The following IMPA2 variants were observed in gnomAD, a reference collection of about 807,000 sequenced individuals.
IMPA2 encodes inositol monophosphatase 2, also known as IMP 2.
In IMPA2, 32 loss-of-function variants were observed where a neutral mutation model predicts 35.1. The observed-to-expected ratio is 0.91, with a 90% CI of 0.69 to 1.23. The LOEUF (loss-of-function observed/expected upper bound fraction) is 1.23, where lower values mean the gene tolerates loss of function less well. IMPA2 is among the 50% of genes most tolerant of loss of function. The pLI is 0.00. For missense variants in IMPA2, 334 were observed against 387.6 expected, an observed-to-expected ratio of 0.86 and a Z score of 1.16; for synonymous variants, 135 against 160.6, an observed-to-expected ratio of 0.84 and a Z score of 1.20.
chr18:11,992,616 A>G (rs931714431), intron 1 of IMPA2, among the ~76,000 whole-genome samples: 1 of 148,850 alleles, frequency 6.7e-6, no homozygotes, highest in East Asian at 1.9e-4. Flanking sequence ...ATACATTAAC[A>G]GAATGCTACT....
At position 11,981,610 on chromosome 18, in the gene IMPA2, C is replaced by T. The variant is rs996450790; in HGVS notation, c.-60C>T. 4 of 1,108,726 alleles carry T rather than the reference C, an allele frequency of 3.6e-6. No homozygotes were observed. The African/African-American group carries it at 4.9e-5, about 14-fold the overall frequency. The allele number at this position is 1,108,726 out of a possible 1,614,324, so 68.7% of individuals were successfully genotyped here. ...AGCCTGGCGGCGGGACGGCGGGATC[C>T]GGTGGGAGCCGGAGTCCCGCCGAGG... On this transcript the variant is annotated 5_prime_UTR_variant, in exon 1 of 8. Coordinates refer to ENST00000269159, the MANE Select transcript of IMPA2 (RefSeq NM_014214.3).
rs200610743 is a variant in IMPA2 at position 12,022,879 on chromosome 18, ATTC to A, written c.491-5161_491-5159del. Among the ~76,000 whole-genome samples, 1,059 of 149,178 alleles carry A rather than the reference ATTC, an allele frequency of 7.1e-3. 11 individuals carry two copies. The highest frequency in any genetic ancestry group is 0.024 in the African/African-American group (971 of 40,660). On this transcript the variant is annotated intron_variant, in intron 5 of 7. Transcript: ENST00000269159. ...AACCTCTGCCTCCCAGGTTCAAGCA[ATTC>A]TTGTGCTTTAGCCTCTCCAGTAGCT...
intron 1 of IMPA2, among the ~76,000 whole-genome samples, chr18:11,982,124 G>C (rs1906519770): frequency 6.6e-6 from 1 of 152,110 alleles, no homozygotes; most frequent in Non-Finnish European, 1.5e-5. Context: ...TAGGAAGCCC[G>C]GGGCTAAGCC....
intron 2 of IMPA2, among the ~76,000 whole-genome samples, chr18:12,009,182 C>A (rs2143803116): frequency 6.6e-6 from 1 of 152,278 alleles, no homozygotes; most frequent in Admixed American, 6.5e-5. Flanking sequence ...GAGAACAAAG[C>A]AGGAGGATTG....
chr18:11,997,496 A>G (rs1364094117), intron 1 of IMPA2, among the ~76,000 whole-genome samples: 3 of 152,072 alleles, frequency 2.0e-5, no homozygotes, highest in South Asian at 4.1e-4. Context: ...TTTTTTTGCA[A>G]CCAAGATTAA....
At chr18:12,029,729 A>G (rs991020092) in intron 7 of IMPA2, among the ~76,000 whole-genome samples, 6 of 152,174 alleles carry the variant, frequency 3.9e-5, no homozygotes, top group Admixed American at 1.3e-4. Context: ...CCTCCATTCC[A>G]TATTTTAAAG....
Position 11,981,578 on chromosome 18 carries a change from A to T in IMPA2, c.-92A>T. 1 of 787,424 alleles carries T rather than the reference A, an allele frequency of 1.3e-6. No individual in the cohort carries two copies. The highest frequency in any genetic ancestry group is 1.7e-6 in the Non-Finnish European group (1 of 585,532). 48.8% of individuals were successfully genotyped at this position (787,424 alleles called of 1,614,324 possible). ...CAGAGCTGCGGGAGCAGGCACAGGG[A>T]GTGTGGAGCCTGGCGGCGGGACGGC... On this transcript the variant is annotated 5_prime_UTR_variant, in exon 1 of 8. Transcript: ENST00000269159.
chr18:12,019,557 C>T (rs772491141), intron 5 of IMPA2, among the ~76,000 whole-genome samples: 1 of 151,836 alleles, frequency 6.6e-6, no homozygotes, highest in Non-Finnish European at 1.5e-5. Context: ...TGTGAGCCAC[C>T]GCGCCTGGCC....
chr18:12,016,601 T>C (rs1598701234), intron 5 of IMPA2, among the ~76,000 whole-genome samples: 1 of 152,190 alleles, frequency 6.6e-6, no homozygotes, highest in African/African-American at 2.4e-5. Flanking sequence ...GTATTTTTAG[T>C]AGAGACGGGG....
rs375497315 is a variant in IMPA2 at position 12,004,896 on chromosome 18, C to T, written c.231-4987C>T. The stretch of plus-strand genomic sequence containing the variant: ...CTTTATGATTTCACACATCTGTCTA[C>T]AGTCATGTCTGCAGAGCAGACTCTC... On this transcript the variant is annotated intron_variant, in intron 2 of 7. Transcript: ENST00000269159. Among the ~76,000 whole-genome samples the T allele has an allele frequency of 3.9e-5, 6 of 152,320 alleles. 1 individual carries two copies. Among genetic ancestry groups the T allele is most frequent in the Middle Eastern group, 3.4e-3 (1 of 294 alleles).
chr18:11,990,029 C>T (rs1229344221), intron 1 of IMPA2, among the ~76,000 whole-genome samples: 1 of 152,170 alleles, frequency 6.6e-6, no homozygotes, highest in Non-Finnish European at 1.5e-5. Context: ...TCTCTCCTGG[C>T]CTCCTCCTGG....
intron 1 of IMPA2, among the ~76,000 whole-genome samples, chr18:11,998,358 T>C (rs909482522): frequency 4.6e-5 from 7 of 152,250 alleles, no homozygotes; most frequent in South Asian, 2.1e-4. Flanking sequence ...TTTAGACCAG[T>C]GTGTTGGCAG....
In IMPA2 at chr18:12,014,310, A is replaced by G. The variant is rs1907515540; in HGVS notation, c.427A>G (p.Thr143Ala). 2 of 1,613,044 alleles carry G rather than the reference A, an allele frequency of 1.2e-6. No homozygotes were observed. The highest frequency in any genetic ancestry group is 1.7e-5 in the Admixed American group (1 of 59,836). ...CCACTGCACAGAGGAGCGGCTGTAC[A>G]CGGGCCGGCGGGGTCGGGGCGCCTT... ...IYHCTEERLY[T>A]GRRGRGAFCN... Residue 143 changes from threonine (T) to alanine (A), a missense_variant, in exon 5 of 8, where the codon ACG (threonine) becomes GCG (alanine). By Grantham distance (58) the Thr-to-Ala change is moderately conservative. Coordinates refer to ENST00000269159, the MANE Select transcript of IMPA2 (RefSeq NM_014214.3).
At position 11,991,083 on chromosome 18, in the gene IMPA2, T is replaced by A. The variant is rs540871782; in HGVS notation, c.97-7971T>A. Among the ~76,000 whole-genome samples the A allele has an allele frequency of 4.1e-4, 63 of 152,186 alleles. 1 individual carries two copies. Among genetic ancestry groups the A allele is most frequent in the Middle Eastern group, 3.4e-3 (1 of 294 alleles). ...GCTGCTGAAGGCAGGTCCGAGGGCT[T>A]GCAAACACCCACTTTCAAGGAATAG... On this transcript the variant is annotated intron_variant, in intron 1 of 7. Transcript: ENST00000269159. This position sits in a 1 kb window ranked among gnomAD's most constrained non-coding sequence, Gnocchi z 4.1.
chr18:12,022,926 C>A (rs1460522894), intron 5 of IMPA2, among the ~76,000 whole-genome samples: 1 of 149,390 alleles, frequency 6.7e-6, no homozygotes, highest in Admixed American at 6.7e-5. Context: ...AAATGTGTGC[C>A]ACCACGCCTG....
chr18:11,988,091 C>T lies in IMPA2; in HGVS notation c.96+6326C>T, dbSNP rs540827416. On this transcript the variant is annotated intron_variant, in intron 1 of 7. Coordinates refer to ENST00000269159, the MANE Select transcript of IMPA2 (RefSeq NM_014214.3). ...TGCGATCTCAGCTCACTGCAACCTC[C>T]GCTTCCCGGGCTCAAGCAATTCTCC... 1.2e-3 allele frequency among the ~76,000 whole-genome samples: 177 copies of T among 150,308 alleles called. 1 individual carries two copies. Among genetic ancestry groups the T allele is most frequent in the African/African-American group, 4.1e-3 (168 of 40,786 alleles).
chr18:12,008,333 G>T (rs769270815), intron 2 of IMPA2: 2 of 518,714 alleles, frequency 3.9e-6, no homozygotes, highest in Non-Finnish European at 7.7e-6. Flanking sequence ...CTCTCTGCAG[G>T]TCTCCTTTTT....
intron 1 of IMPA2, among the ~76,000 whole-genome samples, chr18:11,992,079 G>A (rs1474016231): frequency 1.3e-5 from 2 of 152,206 alleles, no homozygotes; most frequent in African/African-American, 2.4e-5. Context: ...CCTGACTTCA[G>A]GTGATCTGCC....
chr18:11,998,224 C>A (rs1247750822), intron 1 of IMPA2, among the ~76,000 whole-genome samples: 1 of 152,196 alleles, frequency 6.6e-6, no homozygotes, highest in African/African-American at 2.4e-5. Context: ...CTGGGCTGGA[C>A]CAGAACTGGT....
Sources: allele counts gnomAD v4.1 joint callset (sites outside exome capture counted in the v4.1 genomes callset), GRCh38; gene constraint gnomAD v4.1.1; non-coding constraint Gnocchi (gnomAD v3.1); transcripts MANE v1.5; gene names NCBI Gene and HGNC (gene_info 2026-07-23, HGNC 2026-07-21).